Variants in GTF2IRD2B observed in about 807,000 individuals in gnomAD.
GTF2IRD2B encodes the protein GTF2I repeat domain containing 2B, also known as general transcription factor II-I repeat domain-containing protein 2B.
In GTF2IRD2B, 10 loss-of-function variants were observed where a neutral mutation model predicts 55.6. The ratio of observed to expected loss-of-function variants is 0.18; its 90% CI spans 0.11 to 0.31. GTF2IRD2B has a LOEUF of 0.31. GTF2IRD2B is among the 10% of genes least tolerant of loss of function. The pLI, the probability that GTF2IRD2B is intolerant of heterozygous loss-of-function variation, is 1.00. For synonymous variants in GTF2IRD2B, 107 were observed against 320.5 expected (o/e 0.33, Z 7.12); for missense variants, 206 against 802.7 (o/e 0.26, Z 8.98).
At chr7:75,102,356 A>G (rs1289073354) in intron 1 of GTF2IRD2B, among the ~76,000 whole-genome samples, 9 of 151,056 alleles carry the variant, frequency 6.0e-5, no homozygotes, top group Admixed American at 6.6e-5. Context: ...CCCTTTAGCT[A>G]TCAACCTGAA....
intron 8 of GTF2IRD2B, 197 bp downstream of exon 8, chr7:75,126,582 TC>T (rs1808517311): frequency 2.5e-6 from 1 of 399,770 alleles, no homozygotes; most frequent in Admixed American, 3.6e-5. Context: ...GTGCCTGTAA[TC>T]CCAGCTACCA....
In GTF2IRD2B at chr7:75,092,635, C is replaced by T. The variant is rs1448032543; in HGVS notation, c.-136C>T. 1 of 153,500 alleles carries T rather than the reference C, an allele frequency of 6.5e-6. No individual in the cohort carries two copies. Among genetic ancestry groups the T allele is most frequent in the Non-Finnish European group, 1.5e-5 (1 of 68,474 alleles). The allele number at this position is 153,500 out of a possible 1,614,324, so 9.5% of individuals were successfully genotyped here. On this transcript the variant is annotated 5_prime_UTR_variant, in exon 1 of 16. Coordinates refer to ENST00000472837, the MANE Select transcript of GTF2IRD2B (RefSeq NM_001003795.3). ...GAGTGGCGAGCAGGGGCCTCGGCCG[C>T]CACCCACACGCCCCGAAGCGTGCTC... is the stretch of plus-strand genomic sequence containing the variant.
At chr7:75,104,659 A>G (rs1212553859) in intron 1 of GTF2IRD2B, among the ~76,000 whole-genome samples, 3 of 152,408 alleles carry the variant, frequency 2.0e-5, no homozygotes, top group African/African-American at 7.2e-5. Context: ...AGGATGGAGC[A>G]TGATCTAAGG....
intron 3 of GTF2IRD2B, among the ~76,000 whole-genome samples, chr7:75,117,954 G>A (rs1431520289): frequency 8.2e-4 from 124 of 150,888 alleles, no homozygotes; most frequent in Non-Finnish European, 1.3e-3. Flanking sequence ...GTGGTGGCAT[G>A]CACCTGTAAT....
Position 75,148,532 on chromosome 7 carries a change from C to G in GTF2IRD2B, c.2085C>G (p.Leu695=). ...GLNHSEFTTL[L]YELDSQYGSL... is the part of the protein sequence containing the mutation. ...ACCACAGCGAGTTCACAACCTTGCT[C>G]TATGAGCTGGACAGCCAGTATGGTA... The change falls in exon 16 of 16, where the codon CTC becomes CTG. Residue 695 remains leucine (L), a synonymous_variant. Coordinates refer to ENST00000472837, the MANE Select transcript of GTF2IRD2B (RefSeq NM_001003795.3). 2.5e-6 allele frequency: 4 copies of G among 1,605,818 alleles called. No homozygotes were observed. Among genetic ancestry groups the G allele is most frequent in the South Asian group, 2.2e-5 (2 of 90,702 alleles).
intron 1 of GTF2IRD2B, among the ~76,000 whole-genome samples, chr7:75,097,828 GT>G (rs1807434176): frequency 1.3e-5 from 1 of 76,598 alleles, no homozygotes; most frequent in Non-Finnish European, 2.5e-5. Flanking sequence ...CTTTTCGTTA[GT>G]AAAATATTAC....
At position 75,099,839 on chromosome 7, in the gene GTF2IRD2B, G is replaced by A. The variant is rs1554422216; in HGVS notation, c.-6+7074G>A. Reference sequence around the variant, plus strand: ...CAGGTAAAAGAATTTTCGGCCAGGCGTGGTAGATCATGCCTGTAATCCCAG... The same window carrying A: ...CAGGTAAAAGAATTTTCGGCCAGGCATGGTAGATCATGCCTGTAATCCCAG... On this transcript the variant is annotated intron_variant, in intron 1 of 15. Transcript: ENST00000472837. 3.1e-3 allele frequency among the ~76,000 whole-genome samples: 406 copies of A among 133,088 alleles called. 54 individuals carry two copies. The highest frequency in any genetic ancestry group is 8.7e-3 in the Middle Eastern group (2 of 230). The allele number at this position is 133,088 out of a possible 152,430, so 87.3% of individuals were successfully genotyped here.
chr7:75,115,096 CTTTTTTTTT>C (rs60983909), intron 3 of GTF2IRD2B, among the ~76,000 whole-genome samples: 2 of 43,416 alleles, frequency 4.6e-5, no homozygotes, highest in East Asian at 1.4e-3. Flanking sequence ...TCGTGCCCAG[CTTTTTTTTT>C]TTTTTTTTTT....
intron 6 of GTF2IRD2B, chr7:75,123,928 C>T (rs149970228): frequency 0.042 from 13,467 of 323,864 alleles, 512 homozygotes; most frequent in Middle Eastern, 0.076. Context: ...ACTTAGAGGA[C>T]GGGCCAATAG....
rs1380716663 is a variant in GTF2IRD2B, at chr7:75,108,588, C to T, written c.-5-372C>T. On this transcript the variant is annotated intron_variant, in intron 1 of 15. Transcript: ENST00000472837. ...CAGCCTAGGTAACGTGGCGAAACCCCGTCTTTACAAAAAATACAAAAATCA... is the reference window on the plus strand; with the variant it reads ...CAGCCTAGGTAACGTGGCGAAACCCTGTCTTTACAAAAAATACAAAAATCA... Among the ~76,000 whole-genome samples, 2 of 49,436 alleles carry T rather than the reference C, an allele frequency of 4.0e-5. 1 individual carries two copies. Among genetic ancestry groups the T allele is most frequent in the Non-Finnish European group, 8.4e-5 (2 of 23,798 alleles). 32.4% of individuals were successfully genotyped at this position (49,436 alleles called of 152,430 possible).
chr7:75,102,809 A>C (rs1807620593), intron 1 of GTF2IRD2B, among the ~76,000 whole-genome samples: 1 of 151,506 alleles, frequency 6.6e-6, no homozygotes, highest in South Asian at 2.1e-4. Flanking sequence ...AACACAAAAA[A>C]TTAGCCGGCC....
At chr7:75,134,885 A>G (rs1554453358) in intron 9 of GTF2IRD2B, 116 bp from the exon 10 acceptor site, 40 of 1,484,718 alleles carry the variant, frequency 2.7e-5, no homozygotes, top group Non-Finnish European at 3.5e-5. Context: ...TTCAAGGGGT[A>G]GAAGTATTTC....
rs1374949747 is a variant in GTF2IRD2B at position 75,126,975 on chromosome 7, C to G, written c.670+590C>G. Among the ~76,000 whole-genome samples the G allele has an allele frequency of 3.5e-5, 5 of 143,020 alleles. 1 individual carries two copies. Among genetic ancestry groups the G allele is most frequent in the African/African-American group, 1.3e-4 (5 of 39,166 alleles). 93.8% of individuals were successfully genotyped at this position (143,020 alleles called of 152,430 possible). On this transcript the variant is annotated intron_variant, in intron 8 of 15. Transcript: ENST00000472837. ...TCACACCACTGCACTCCACCTTGGG[C>G]TACAGAGTGAGATTCTGTGTCAAAA...
chr7:75,115,281 C>T (rs2115742567), intron 3 of GTF2IRD2B, among the ~76,000 whole-genome samples: 1 of 150,350 alleles, frequency 6.7e-6, no homozygotes, highest in South Asian at 2.1e-4. Context: ...TTCCGTAGAT[C>T]TATTTGTCTT....
chr7:75,134,349 C>T (rs1554453299), intron 9 of GTF2IRD2B, among the ~76,000 whole-genome samples: 1 of 142,572 alleles, frequency 7.0e-6, no homozygotes, highest in East Asian at 1.9e-4. Flanking sequence ...GATCACACCA[C>T]TGCACTCCAG....
chr7:75,115,602 T>G (rs1808120929), intron 3 of GTF2IRD2B, among the ~76,000 whole-genome samples: 1 of 139,530 alleles, frequency 7.2e-6, no homozygotes, highest in African/African-American at 2.6e-5. Context: ...TTTTTTTTTT[T>G]TTTTTTTTTG....
At chr7:75,121,419 A>G (rs1194996830) in intron 4 of GTF2IRD2B, among the ~76,000 whole-genome samples, 32 of 150,876 alleles carry the variant, frequency 2.1e-4, no homozygotes, top group East Asian at 5.9e-4. Context: ...GAATGTTTGA[A>G]CATTTCAAAA....
intron 1 of GTF2IRD2B, among the ~76,000 whole-genome samples, chr7:75,104,303 AG>A (rs1158226944): frequency 3.4e-4 from 51 of 151,586 alleles, no homozygotes; most frequent in Admixed American, 2.2e-3. Flanking sequence ...TTAGTAGAGA[AG>A]GGGGGGGTCT....
At chr7:75,139,835 G>A (rs1321908985) in intron 12 of GTF2IRD2B, among the ~76,000 whole-genome samples, 1 of 97,946 alleles carries the variant, frequency 1.0e-5, no homozygotes, top group East Asian at 2.4e-4. Flanking sequence ...GATTGCTTTA[G>A]TTATTCAAAA....
Sources: gnomAD v4.1 joint callset for allele counts (sites outside exome capture counted in the v4.1 genomes callset) on GRCh38, gnomAD v4.1.1 for gene constraint, MANE v1.5 for transcripts, NCBI Gene and HGNC (gene_info 2026-07-23, HGNC 2026-07-21) for gene names.